Variants in PSG6 observed in about 807,000 individuals in gnomAD.
The protein encoded by PSG6 is pregnancy-specific beta-1-glycoprotein 6.
A neutral mutation model predicts 43.3 loss-of-function variants in PSG6; 51 were observed. The observed-to-expected ratio is 1.18, with a 90% CI of 0.94 to 1.49. PSG6 has a LOEUF of 1.49. Ranked by LOEUF, PSG6 falls within the 40% of genes most tolerant of loss-of-function variation. The pLI is 0.00. For synonymous variants in PSG6, 292 were observed against 197.6 expected (o/e 1.48, Z -4.01); for missense variants, 770 against 522.2 (o/e 1.47, Z -4.62).
Position 42,910,855 on chromosome 19 carries a change from T to C in PSG6, c.431A>G (p.Glu144Gly). ...TGYFTVTLYS[E>G]TPKPSISSSN... ...GCTGGAGATGGAGGGCTTGGGAGTC[T>C]CCGCTGTGCAGAAAACAGAGAGAAG... The change falls in exon 3 of 6, where the codon GAG becomes GGG. Residue 144 changes from glutamate to glycine, a missense_variant. Physicochemically the swap from Glu to Gly is moderately conservative, Grantham distance 98 (BLOSUM62 -2). Coordinates refer to ENST00000187910, the MANE Select transcript of PSG6 (RefSeq NM_001031850.4). The C allele has an allele frequency of 6.2e-7, 1 of 1,606,596 alleles. No individual in the cohort carries two copies. The highest frequency in any genetic ancestry group is 2.2e-5 in the East Asian group (1 of 44,720).
chr19:42,903,546 A>G, intron 5 of PSG6: 2 of 1,334,472 alleles, frequency 1.5e-6, no homozygotes, highest in Non-Finnish European at 2.0e-6. Context: ...GACAACCATT[A>G]ACTAGATTGG....
Position 42,907,023 on chromosome 19 carries a change from A to C in PSG6, c.1139T>G (p.Ile380Ser). 1 of 1,612,476 alleles carries C rather than the reference A, an allele frequency of 6.2e-7. No individual in the cohort carries two copies. The highest frequency in any genetic ancestry group is 8.5e-7 in the Non-Finnish European group (1 of 1,179,142). ...GCTATGATTTGTAGTAATTTGGGGG[A>C]TAAAGAGCTTTTGTCCTGATAGCTG... ...KFQLSGQKLF[I>S]PQITTNHSGL... The change falls in exon 5 of 6, where the codon ATC becomes AGC. Residue 380 changes from isoleucine (I) to serine (S), a missense_variant. Physicochemically the swap from Ile to Ser is moderately radical, Grantham distance 142. Coordinates refer to ENST00000187910, the MANE Select transcript of PSG6 (RefSeq NM_001031850.4).
rs1972127082 is a variant in PSG6 at position 42,907,067 on chromosome 19, C to G, written c.1095G>C (p.Trp365Cys). The change falls in exon 5 of 6, where the codon TGG (tryptophan) becomes TGC (cysteine). Residue 365 changes from tryptophan to cysteine, a missense_variant. Physicochemically the swap from Trp to Cys is radical, Grantham distance 215. Transcript: ENST00000187910. ...ATAGCTGAAACTTCCCATTAATTGT[C>G]CAAGAATACTCTGCCGGTGGGTTAG... The part of the protein sequence containing the change: ...ADSNPPAEYS[W>C]TINGKFQLSG... 5 of 1,612,650 alleles carry G rather than the reference C, an allele frequency of 3.1e-6. No homozygotes were observed. Among genetic ancestry groups the G allele is most frequent in the Middle Eastern group, 1.7e-4 (1 of 6,060 alleles).
At chr19:42,902,880 C>T (rs1413411210) in intron 5 of PSG6, among the ~76,000 whole-genome samples, 1 of 151,422 alleles carries the variant, frequency 6.6e-6, no homozygotes, top group Non-Finnish European at 1.5e-5. Context: ...GTAACCATGT[C>T]CTAGTGTTTT....
In PSG6 at chr19:42,910,815, G is replaced by A. The variant is rs1972209772; in HGVS notation, c.471C>T (p.Pro157=). The change falls in exon 3 of 6, where the codon CCC becomes CCT. Residue 157 remains proline, a synonymous_variant. Coordinates refer to ENST00000187910, the MANE Select transcript of PSG6 (RefSeq NM_001031850.4). ...KPSISSSNLN[P]REVMEAVRLI... ...AGCGCACAGCCTCCATGACCTCCCT[G>A]GGGTTTAAGTTGCTGCTGGAGATGG... 1 of 1,611,950 alleles carries A rather than the reference G, an allele frequency of 6.2e-7. No individual in the cohort carries two copies. Among genetic ancestry groups the A allele is most frequent in the African/African-American group, 1.3e-5 (1 of 74,708 alleles).
At position 42,917,363 on chromosome 19, in the gene PSG6, CTTT is replaced by C. The variant is rs35188962; in HGVS notation, c.64+363_64+365del. Among the ~76,000 whole-genome samples, 67 of 123,316 alleles carry C rather than the reference CTTT, an allele frequency of 5.4e-4. 1 individual carries two copies. The highest frequency in any genetic ancestry group is 1.4e-3 in the East Asian group (6 of 4,138). The allele number at this position is 123,316 out of a possible 152,430, so 80.9% of individuals were successfully genotyped here. On this transcript the variant is annotated intron_variant, in intron 1 of 5. Coordinates refer to ENST00000187910, the MANE Select transcript of PSG6 (RefSeq NM_001031850.4). Reference sequence around the variant, plus strand: ...CCTTTTTTTCTTTCTTCTTTTTATTCTTTTTTTTTTTTTTTTTTGAAATGGAGT... The same window carrying C: ...CCTTTTTTTCTTTCTTCTTTTTATTCTTTTTTTTTTTTTTTGAAATGGAGT...
Position 42,917,893 on chromosome 19 carries a change from C to G in PSG6, c.-101G>C. On this transcript the variant is annotated 5_prime_UTR_variant, in exon 1 of 6. Coordinates refer to ENST00000187910, the MANE Select transcript of PSG6 (RefSeq NM_001031850.4). ...GTGTGCTGTCCTTCCTCCTTCTGTG[C>G]TGAGCCTCTTCCCAGGGCAGAAGCA... 4 of 1,468,110 alleles carry G rather than the reference C, an allele frequency of 2.7e-6. No individual in the cohort carries two copies. Among genetic ancestry groups the G allele is most frequent in the Non-Finnish European group, 3.7e-6 (4 of 1,082,676 alleles). The allele number at this position is 1,468,110 out of a possible 1,614,324, so 90.9% of individuals were successfully genotyped here.
At chr19:42,912,361 G>A (rs1222666507) in intron 2 of PSG6, among the ~76,000 whole-genome samples, 5 of 151,764 alleles carry the variant, frequency 3.3e-5, no homozygotes, top group Middle Eastern at 3.4e-3. Context: ...TTTACTGATG[G>A]TCCAAACATC....
chr19:42,907,316 C>T (rs1275936266), intron 4 of PSG6, 140 bp from the exon 5 acceptor site: 22 of 1,478,564 alleles, frequency 1.5e-5, no homozygotes, highest in Middle Eastern at 4.9e-4. Flanking sequence ...TTTACTAAGC[C>T]CAAGCCTGAG....
At chr19:42,910,453 T>A in intron 3 of PSG6, 127 bp downstream of exon 3, 1 of 1,608,088 alleles carries the variant, frequency 6.2e-7, no homozygotes, top group Non-Finnish European at 8.5e-7. Flanking sequence ...CAGAAAGTCA[T>A]GGCCAGCTTT....
chr19:42,916,789 C>T (rs1408572171), intron 1 of PSG6, among the ~76,000 whole-genome samples: 1 of 151,388 alleles, frequency 6.6e-6, no homozygotes, highest in African/African-American at 2.4e-5. Flanking sequence ...CCACACTGCC[C>T]TCAGGTCCTG....
At chr19:42,913,470 T>G (rs532785946) in intron 2 of PSG6, among the ~76,000 whole-genome samples, 2 of 151,890 alleles carry the variant, frequency 1.3e-5, no homozygotes, top group African/African-American at 4.8e-5. Flanking sequence ...TAATGAGTTG[T>G]TGACTTTTGA....
rs138067306 is a variant in PSG6 at position 42,917,868 on chromosome 19, G to T, written c.-76C>A. On this transcript the variant is annotated 5_prime_UTR_variant, in exon 1 of 6. Coordinates refer to ENST00000187910, the MANE Select transcript of PSG6 (RefSeq NM_001031850.4). ...GAGACTTCCTGAGCAGGGCTGTCAG[G>T]TGTGCTGTCCTTCCTCCTTCTGTGC... 2 of 1,516,710 alleles carry T rather than the reference G, an allele frequency of 1.3e-6. No individual in the cohort carries two copies. Among genetic ancestry groups the T allele is most frequent in the African/African-American group, 1.4e-5 (1 of 71,388 alleles). 94.0% of individuals were successfully genotyped at this position (1,516,710 alleles called of 1,614,324 possible).
At chr19:42,915,954 T>C (rs1182322897) in intron 2 of PSG6, 171 bp downstream of exon 2, 1 of 1,078,024 alleles carries the variant, frequency 9.3e-7, no homozygotes, top group Non-Finnish European at 1.3e-6. Context: ...GGAATTCTGA[T>C]CTGTTGAAAT....
intron 2 of PSG6, 99 bp from the exon 3 acceptor site, chr19:42,910,957 C>T (rs556142552): frequency 1.3e-6 from 2 of 1,518,324 alleles, no homozygotes; most frequent in Admixed American, 2.2e-5. Context: ...TCTCAGCCCA[C>T]CCAAGTCCTT....
At chr19:42,914,311 G>A (rs893027222) in intron 2 of PSG6, among the ~76,000 whole-genome samples, 5 of 151,424 alleles carry the variant, frequency 3.3e-5, no homozygotes, top group African/African-American at 9.7e-5. Flanking sequence ...TTAGCGGGAA[G>A]GGAACAGAAC....
At chr19:42,908,643 T>C (rs966499433) in intron 3 of PSG6, among the ~76,000 whole-genome samples, 1 of 151,738 alleles carries the variant, frequency 6.6e-6, no homozygotes, top group African/African-American at 2.4e-5. Flanking sequence ...TGTGGATCTT[T>C]CTAGAAATAC....
chr19:42,914,799 A>G lies in PSG6; in HGVS notation c.427+1326T>C, dbSNP rs532149399. On this transcript the variant is annotated intron_variant, in intron 2 of 5. Coordinates refer to ENST00000187910, the MANE Select transcript of PSG6 (RefSeq NM_001031850.4). The stretch of plus-strand genomic sequence containing the variant: ...TGTCTCTCTCACTGGGCCTGTGCTG[A>G]GGCAGGGTGTGAGTGGGGAAAGAAA... Among the ~76,000 whole-genome samples the G allele has an allele frequency of 4.7e-4, 72 of 151,588 alleles. 4 individuals carry two copies. The highest frequency in any genetic ancestry group is 6.8e-4 in the Non-Finnish European group (46 of 67,854).
In PSG6 at chr19:42,907,905, A is replaced by T. The variant is rs761909519; in HGVS notation, c.707-51T>A. 3.5e-5 allele frequency: 56 copies of T among 1,595,378 alleles called. 1 individual carries two copies. Among genetic ancestry groups the T allele is most frequent in the Non-Finnish European group, 4.5e-5 (53 of 1,169,210 alleles). On this transcript the variant is annotated intron_variant, in intron 3 of 5. Transcript: ENST00000187910. The stretch of plus-strand genomic sequence containing the variant: ...TGTGTGGCACCTTTGATTCCTCCAC[A>T]GGCATCCTTCATTCAGAGTTGGCAT...
Sources: allele counts gnomAD v4.1 joint callset (sites outside exome capture counted in the v4.1 genomes callset), GRCh38; gene constraint gnomAD v4.1.1; transcripts MANE v1.5; gene names NCBI Gene and HGNC (gene_info 2026-07-23, HGNC 2026-07-21).